HCN1: variants seen among roughly 807,000 people sequenced by gnomAD.
HCN1 encodes potassium/sodium hyperpolarization-activated cyclic nucleotide-gated channel 1.
Under a neutral mutation model 78.9 loss-of-function variants are expected in HCN1, and 13 were observed. The ratio of observed to expected loss-of-function variants is 0.16; its 90% CI spans 0.11 to 0.26. The LOEUF (loss-of-function observed/expected upper bound fraction) is 0.26. Ranked by LOEUF, HCN1 falls within the 10% of genes least tolerant of loss-of-function variation. HCN1 has a pLI of 1.00. For synonymous variants in HCN1, 552 were observed against 455.5 expected, an observed-to-expected ratio of 1.21 and a Z score of -2.70; for missense variants, 810 against 1,154.3, an observed-to-expected ratio of 0.70 and a Z score of 4.32.
chr5:45,653,416 A>AAAG (rs576969420), intron 1 of HCN1, among the ~76,000 whole-genome samples: 56 of 152,210 alleles, frequency 3.7e-4, no homozygotes, highest in African/African-American at 1.3e-3. Flanking sequence ...ATAATTTGAT[A>AAAG]AAGACTGCTT....
chr5:45,633,180 C>CA (rs1196702898), intron 2 of HCN1, among the ~76,000 whole-genome samples: 1 of 151,536 alleles, frequency 6.6e-6, no homozygotes, highest in Non-Finnish European at 1.5e-5. Flanking sequence ...CTAAAAACAA[C>CA]AAAAAAACCA....
chr5:45,317,078 T>C (rs1349170294), intron 5 of HCN1, among the ~76,000 whole-genome samples: 1 of 152,080 alleles, frequency 6.6e-6, no homozygotes, highest in Non-Finnish European at 1.5e-5. Context: ...TTAAAGTTCA[T>C]ATGGGGCCAA....
chr5:45,639,636 G>A (rs1344043349), intron 2 of HCN1, among the ~76,000 whole-genome samples: 1 of 152,054 alleles, frequency 6.6e-6, no homozygotes, highest in Non-Finnish European at 1.5e-5. Flanking sequence ...TTCATAGAAG[G>A]CCTTATCATA....
intron 3 of HCN1, among the ~76,000 whole-genome samples, chr5:45,448,443 G>T (rs1332654777): frequency 6.6e-6 from 1 of 152,138 alleles, no homozygotes; most frequent in Non-Finnish European, 1.5e-5. Context: ...CAAATGGAGG[G>T]TTTATTCACT....
intron 2 of HCN1, among the ~76,000 whole-genome samples, chr5:45,553,096 C>A (rs765312172): frequency 6.6e-6 from 1 of 151,838 alleles, no homozygotes; most frequent in African/African-American, 2.4e-5. Flanking sequence ...GAAGTCACAT[C>A]CTCTGCCTCC....
chr5:45,306,973 C>T (rs780120790), intron 5 of HCN1, among the ~76,000 whole-genome samples: 4 of 151,830 alleles, frequency 2.6e-5, no homozygotes, highest in Non-Finnish European at 4.4e-5. Flanking sequence ...TTTTGTAGTA[C>T]AAGAAAGTAT....
chr5:45,405,525 A>ATTT lies in HCN1; in HGVS notation c.1012-8816_1012-8815insAAA, dbSNP rs567171799. ...TAGGCTCAAGTGACCCTCCTGCTTC[A>ATTT]ACCTCCTGAGTAGCTAGGACTATAC... On this transcript the variant is annotated intron_variant, in intron 3 of 7. Transcript: ENST00000303230. Among the ~76,000 whole-genome samples, 135 of 152,234 alleles carry ATTT rather than the reference A, an allele frequency of 8.9e-4. No individual in the cohort carries two copies. The Middle Eastern group carries it at 0.014, about 15-fold the overall frequency.
intron 2 of HCN1, among the ~76,000 whole-genome samples, chr5:45,615,809 T>A (rs1744937388): frequency 6.6e-6 from 1 of 152,066 alleles, no homozygotes; most frequent in South Asian, 2.1e-4. Context: ...TATGGCCTGA[T>A]CTCATTTCCG....
intron 6 of HCN1, among the ~76,000 whole-genome samples, chr5:45,290,486 T>C (rs1745349093): frequency 6.6e-6 from 1 of 152,100 alleles, no homozygotes. Flanking sequence ...CTAAGTCTAA[T>C]TATTTGGTTT....
At chr5:45,299,843 T>C (rs1745574442) in intron 6 of HCN1, among the ~76,000 whole-genome samples, 1 of 152,048 alleles carries the variant, frequency 6.6e-6, no homozygotes. Context: ...CAAAGTCATC[T>C]AGGGGATCAC....
intron 2 of HCN1, among the ~76,000 whole-genome samples, chr5:45,524,584 G>C (rs1036966340): frequency 6.6e-6 from 1 of 152,268 alleles, no homozygotes; most frequent in East Asian, 1.9e-4. Flanking sequence ...TCCCTTGTAA[G>C]TTGGATTCCT....
At chr5:45,368,051 C>T (rs1234047718) in intron 4 of HCN1, among the ~76,000 whole-genome samples, 3 of 151,950 alleles carry the variant, frequency 2.0e-5, no homozygotes, top group Non-Finnish European at 4.4e-5. Flanking sequence ...AAGGAGTTTC[C>T]AGTTGTGTTC....
intron 2 of HCN1, among the ~76,000 whole-genome samples, chr5:45,464,896 G>A (rs971975518): frequency 2.6e-5 from 4 of 152,124 alleles, no homozygotes; most frequent in Non-Finnish European, 4.4e-5. Context: ...ACCAAAGAAG[G>A]AAGCATCTGA....
At chr5:45,349,764 G>A (rs950192260) in intron 5 of HCN1, among the ~76,000 whole-genome samples, 2 of 152,032 alleles carry the variant, frequency 1.3e-5, no homozygotes, top group Non-Finnish European at 2.9e-5. Context: ...AAACTGACTA[G>A]AAAATCTAGA....
intron 2 of HCN1, among the ~76,000 whole-genome samples, chr5:45,541,252 T>C (rs1743100282): frequency 6.6e-6 from 1 of 152,104 alleles, no homozygotes; most frequent in Non-Finnish European, 1.5e-5. Flanking sequence ...TTCCTAATTC[T>C]GAAAAAAAAT....
rs147651695 is a variant in HCN1 at position 45,590,207 on chromosome 5, A to T, written c.849+54978T>A. 7.9e-5 allele frequency among the ~76,000 whole-genome samples: 12 copies of T among 152,334 alleles called. No homozygotes were observed. In the East Asian group the frequency reaches 2.3e-3, roughly 29 times the overall value. ...CACTTTTATCACATCTCTGGTTAAA[A>T]GTTCATTCCATAAAATACATTAGCT... On this transcript the variant is annotated intron_variant, in intron 2 of 7. Coordinates refer to ENST00000303230, the MANE Select transcript of HCN1 (RefSeq NM_021072.4).
intron 7 of HCN1, among the ~76,000 whole-genome samples, chr5:45,266,290 C>A (rs748368426): frequency 6.6e-6 from 1 of 151,890 alleles, no homozygotes; most frequent in Non-Finnish European, 1.5e-5. Context: ...GCATTACTAT[C>A]AAGGCTTTTT....
intron 2 of HCN1, chr5:45,643,483 T>A (rs990916439): frequency 1.3e-5 from 2 of 152,150 alleles, no homozygotes; most frequent in African/African-American, 4.8e-5. Context: ...AAAAGTTCCC[T>A]ATAATTCGTT....
chr5:45,501,955 T>G (rs140930316), intron 2 of HCN1, among the ~76,000 whole-genome samples: 1 of 152,208 alleles, frequency 6.6e-6, no homozygotes, highest in East Asian at 1.9e-4. Flanking sequence ...TTTAGATACA[T>G]TAGGAACTTA....
Sources: allele counts gnomAD v4.1 joint callset (sites outside exome capture counted in the v4.1 genomes callset), GRCh38; gene constraint gnomAD v4.1.1; transcripts MANE v1.5; gene names NCBI Gene and HGNC (gene_info 2026-07-23, HGNC 2026-07-21).